The following AKT3 variants were observed in gnomAD, a reference collection of about 807,000 sequenced individuals.
The protein encoded by AKT3 is AKT serine/threonine kinase 3.
In AKT3, 15 loss-of-function variants were observed where a neutral mutation model predicts 65.3. The ratio of observed to expected loss-of-function variants is 0.23; its 90% CI spans 0.15 to 0.35. AKT3 has a LOEUF of 0.35. Ranked by LOEUF, AKT3 falls within the 10% of genes least tolerant of loss-of-function variation. AKT3 has a pLI of 1.00. For missense variants in AKT3, 243 were observed against 576.5 expected (o/e 0.42, Z 5.92); for synonymous variants, 206 against 183.8 (o/e 1.12, Z -0.98).
intron 6 of AKT3, among the ~76,000 whole-genome samples, chr1:243,622,541 G>T (rs1678834756): frequency 6.6e-6 from 1 of 152,188 alleles, no homozygotes; most frequent in African/African-American, 2.4e-5. Context: ...AGTGCCTAGA[G>T]CAGTACCTAG....
intron 2 of AKT3, among the ~76,000 whole-genome samples, chr1:243,697,924 G>C (rs966217745): frequency 1.3e-5 from 2 of 151,460 alleles, no homozygotes; most frequent in Non-Finnish European, 2.9e-5. Flanking sequence ...AGGATACGTA[G>C]ATCAGTATCC....
intron 2 of AKT3, among the ~76,000 whole-genome samples, chr1:243,716,178 A>G (rs892516933): frequency 6.6e-6 from 1 of 152,110 alleles, no homozygotes; most frequent in African/African-American, 2.4e-5. Flanking sequence ...GATATCCTTT[A>G]CCTAAAGGGG....
At chr1:243,682,102 C>T (rs1683966886) in intron 3 of AKT3, among the ~76,000 whole-genome samples, 1 of 151,654 alleles carries the variant, frequency 6.6e-6, no homozygotes, top group Non-Finnish European at 1.5e-5. Flanking sequence ...AAATGACACA[C>T]TAAAAAAAAA....
intron 7 of AKT3, among the ~76,000 whole-genome samples, chr1:243,614,239 A>T (rs892259562): frequency 6.6e-6 from 1 of 152,170 alleles, no homozygotes; most frequent in Non-Finnish European, 1.5e-5. Context: ...ATAGGTTATT[A>T]AAAAATACCC....
At chr1:243,590,969 G>A (rs1008508984) in intron 8 of AKT3, among the ~76,000 whole-genome samples, 25 of 152,266 alleles carry the variant, frequency 1.6e-4, no homozygotes, top group Admixed American at 1.4e-3. Context: ...TAGAAACAAT[G>A]TCCAGGCTGT....
chr1:243,517,494 C>T (rs1376131304), intron 12 of AKT3, among the ~76,000 whole-genome samples: 1 of 152,132 alleles, frequency 6.6e-6, no homozygotes, highest in African/African-American at 2.4e-5. Flanking sequence ...TTATTAGATG[C>T]ATAACTAAGA....
chr1:243,685,926 T>A (rs948971236), intron 3 of AKT3, among the ~76,000 whole-genome samples: 6 of 152,154 alleles, frequency 3.9e-5, no homozygotes, highest in African/African-American at 1.4e-4. Context: ...ACAAAATCAA[T>A]GTGCAAAAAT....
intron 2 of AKT3, among the ~76,000 whole-genome samples, chr1:243,723,645 G>T (rs1437001931): frequency 2.6e-5 from 4 of 152,130 alleles, no homozygotes; most frequent in African/African-American, 9.7e-5. Flanking sequence ...TTCCACTGAC[G>T]CCAAGCACTG....
At chr1:243,706,840 G>A (rs955522954) in intron 2 of AKT3, among the ~76,000 whole-genome samples, 1 of 152,150 alleles carries the variant, frequency 6.6e-6, no homozygotes, top group Admixed American at 6.5e-5. Context: ...TTTTCACAGA[G>A]AGCCATGCTG....
intron 1 of AKT3, chr1:243,843,615 C>G: frequency 1.0e-6 from 1 of 974,638 alleles, no homozygotes; most frequent in Non-Finnish European, 1.2e-6. Flanking sequence ...AAGTTAATTG[C>G]CCTAAATCCC....
At chr1:243,685,755 G>A (rs1474220536) in intron 3 of AKT3, among the ~76,000 whole-genome samples, 3 of 152,122 alleles carry the variant, frequency 2.0e-5, no homozygotes, top group African/African-American at 7.2e-5. Context: ...GTTCTGGCTA[G>A]GGAAATCAGG....
intron 2 of AKT3, among the ~76,000 whole-genome samples, chr1:243,753,441 C>A (rs1572281109): frequency 1.3e-5 from 2 of 152,182 alleles, no homozygotes; most frequent in African/African-American, 4.8e-5. Flanking sequence ...AATCTAGTAT[C>A]TTCAAAATTG....
chr1:243,552,966 G>C, intron 10 of AKT3, 23 bp from the exon 11 acceptor site: 3 of 1,503,696 alleles, frequency 2.0e-6, no homozygotes, highest in Non-Finnish European at 2.7e-6. Context: ...TCAGTAAAAA[G>C]ATTAATTATT....
chr1:243,782,220 AG>A (rs2148311742), intron 2 of AKT3, among the ~76,000 whole-genome samples: 1 of 152,348 alleles, frequency 6.6e-6, no homozygotes, highest in South Asian at 2.1e-4. Flanking sequence ...AAACTTGTAA[AG>A]CGGTATTGGC....
At chr1:243,625,495 T>C (rs796690715) in intron 6 of AKT3, among the ~76,000 whole-genome samples, 7 of 152,262 alleles carry the variant, frequency 4.6e-5, no homozygotes, top group African/African-American at 1.7e-4. Flanking sequence ...GAAATCCTGA[T>C]GCTCAAAAAG....
chr1:243,847,824 C>T (rs560211232), intron 1 of AKT3, among the ~76,000 whole-genome samples: 1 of 152,192 alleles, frequency 6.6e-6, no homozygotes, highest in Non-Finnish European at 1.5e-5. Context: ...TATTTTACAG[C>T]TATGAAATTA....
intron 4 of AKT3, among the ~76,000 whole-genome samples, chr1:243,661,659 T>A (rs924091335): frequency 2.0e-5 from 3 of 151,722 alleles, no homozygotes; most frequent in Non-Finnish European, 4.4e-5. Context: ...GGACTTCATG[T>A]CTAAAACACA....
intron 2 of AKT3, among the ~76,000 whole-genome samples, chr1:243,698,978 T>C (rs1035752219): frequency 6.6e-6 from 1 of 151,704 alleles, no homozygotes; most frequent in African/African-American, 2.4e-5. Flanking sequence ...TTCAGGTGCC[T>C]AGCTGTTCGA....
At chr1:243,849,498 C>T (rs1335064784) in intron 1 of AKT3, among the ~76,000 whole-genome samples, 1 of 151,792 alleles carries the variant, frequency 6.6e-6, no homozygotes, top group South Asian at 2.1e-4. Context: ...TTCACCCCAC[C>T]CCACGCGCAG....
Sources: gnomAD v4.1 joint callset for allele counts (sites outside exome capture counted in the v4.1 genomes callset) on GRCh38, gnomAD v4.1.1 for gene constraint, MANE v1.5 for transcripts, NCBI Gene and HGNC (gene_info 2026-07-23, HGNC 2026-07-21) for gene names.